The following DENND5A variants were observed in gnomAD, a reference collection of about 807,000 sequenced individuals.
DENND5A encodes DENN domain containing 5A.
A neutral mutation model predicts 140.3 loss-of-function variants in DENND5A; 64 were observed. The observed-to-expected ratio is 0.46, with a 90% confidence interval of 0.37 to 0.56. The LOEUF is 0.56. DENND5A is among the 20% of genes least tolerant of loss of function. The probability of loss-of-function intolerance (pLI) is 0.00; values close to 1 mark genes in which losing one functional copy is unlikely to be tolerated. For missense variants in DENND5A, 1,292 were observed against 1,593.8 expected, an observed-to-expected ratio of 0.81 and a Z score of 3.22; for synonymous variants, 605 against 607.7, an observed-to-expected ratio of 1.00 and a Z score of 0.07.
At chr11:9,255,380 G>C (rs1304093273) in intron 1 of DENND5A, among the ~76,000 whole-genome samples, 1 of 151,802 alleles carries the variant, frequency 6.6e-6, no homozygotes, top group Non-Finnish European at 1.5e-5. Context: ...CATTTTTCAG[G>C]TTGTTTAAGA....
intron 1 of DENND5A, among the ~76,000 whole-genome samples, chr11:9,227,381 G>C (rs186943223): frequency 2.6e-4 from 39 of 152,124 alleles, no homozygotes; most frequent in African/African-American, 9.4e-4. Context: ...TCCATGTTAA[G>C]TGCTATGGAA....
At chr11:9,256,020 C>A in intron 1 of DENND5A, among the ~76,000 whole-genome samples, 2 of 141,964 alleles carry the variant, frequency 1.4e-5, no homozygotes. Flanking sequence ...GGCGAAACTC[C>A]ATCTCAAAAA....
chr11:9,219,958 G>C (rs901704770), intron 1 of DENND5A, among the ~76,000 whole-genome samples: 1 of 152,168 alleles, frequency 6.6e-6, no homozygotes, highest in Non-Finnish European at 1.5e-5. Context: ...AGAAAGAAAG[G>C]AAAGGGGCTC....
chr11:9,193,892 A>T (rs1849227677), intron 4 of DENND5A, among the ~76,000 whole-genome samples: 1 of 152,234 alleles, frequency 6.6e-6, no homozygotes, highest in African/African-American at 2.4e-5. Context: ...AAATAAACCT[A>T]CACACACAGG....
At chr11:9,152,207 TC>T in intron 13 of DENND5A, 150 bp downstream of exon 13, 1 of 673,800 alleles carries the variant, frequency 1.5e-6, no homozygotes, top group Non-Finnish European at 2.7e-6. Flanking sequence ...GCTCTGTGGT[TC>T]AGAGAGTCTG....
In DENND5A at chr11:9,183,471, C is replaced by A. The variant is rs1355264716; in HGVS notation, c.1138-2387G>T. Among the ~76,000 whole-genome samples the A allele has an allele frequency of 6.7e-5, 10 of 148,202 alleles. No individual in the cohort carries two copies. The Admixed American group carries it at 6.8e-4, about 10-fold the overall frequency. ...TTTTTTTTTGAGACAGAGTTTTGCT[C>A]TATTGCCCAGTCTGGAGTGCAGTGG... On this transcript the variant is annotated intron_variant, in intron 5 of 22. Coordinates refer to ENST00000328194, the MANE Select transcript of DENND5A (RefSeq NM_015213.4).
At chr11:9,192,741 T>A (rs958249409) in intron 5 of DENND5A, among the ~76,000 whole-genome samples, 1 of 152,180 alleles carries the variant, frequency 6.6e-6, no homozygotes, top group African/African-American at 2.4e-5. Flanking sequence ...AAAGTCTTCT[T>A]CCCAGGCCTT....
intron 10 of DENND5A, among the ~76,000 whole-genome samples, chr11:9,169,087 A>C (rs1338670298): frequency 1.3e-5 from 2 of 152,212 alleles, no homozygotes; most frequent in African/African-American, 4.8e-5. Flanking sequence ...AAGAAGAAAA[A>C]AAAAGTCAAG....
chr11:9,239,089 T>A (rs868252561), intron 1 of DENND5A, among the ~76,000 whole-genome samples: 56 of 149,226 alleles, frequency 3.8e-4, no homozygotes, highest in African/African-American at 1.3e-3. Flanking sequence ...ACCTCAGCCT[T>A]CCAAAATGCT....
At position 9,203,751 on chromosome 11, in the gene DENND5A, G is replaced by C. The variant is rs200797324; in HGVS notation, c.858C>G (p.Val286=). 22 of 1,614,176 alleles carry C rather than the reference G, an allele frequency of 1.4e-5. No homozygotes were observed. In the African/African-American group the frequency reaches 2.7e-4, roughly 20 times the overall value. ...CCCCGAGCAGTTCAAAAACCTCTTT[G>C]ACAGGAAAGTCAAATAGGGGAAGCT... is the stretch of plus-strand genomic sequence containing the variant. ...TNELPLFDFP[V]KEVFELLGVE... The change falls in exon 4 of 23, where the codon GTC becomes GTG. Residue 286 remains valine, a synonymous_variant. Transcript: ENST00000328194.
At chr11:9,258,311 G>A (rs1426690390) in intron 1 of DENND5A, among the ~76,000 whole-genome samples, 14 of 115,778 alleles carry the variant, frequency 1.2e-4, no homozygotes, top group Non-Finnish European at 2.4e-4. Flanking sequence ...AGTGTGTGAT[G>A]TTCCCCTCCC....
At chr11:9,253,127 A>G (rs976666166) in intron 1 of DENND5A, among the ~76,000 whole-genome samples, 3 of 152,110 alleles carry the variant, frequency 2.0e-5, no homozygotes, top group African/African-American at 4.8e-5. Context: ...TGCTGGGATT[A>G]CAGGCATGAG....
chr11:9,236,075 T>C (rs1418556581), intron 1 of DENND5A, among the ~76,000 whole-genome samples: 1 of 151,822 alleles, frequency 6.6e-6, no homozygotes, highest in Non-Finnish European at 1.5e-5. Flanking sequence ...AATCCATCTC[T>C]ACAAAAAATT....
At position 9,206,800 on chromosome 11, in the gene DENND5A, A is replaced by G. The variant is rs747603184; in HGVS notation, c.182-18T>C. The G allele has an allele frequency of 1.3e-6, 2 of 1,540,666 alleles. No homozygotes were observed. The highest frequency in any genetic ancestry group is 1.8e-6 in the Non-Finnish European group (2 of 1,113,360). On this transcript the variant is annotated intron_variant, in intron 2 of 22. Transcript: ENST00000328194. ...ATTTTCTCCTGTAAGAAAAAGAATG[A>G]AGTAAATCATTTCTACAAAATCCCT...
At chr11:9,155,354 TTA>T (rs1318851382) in intron 12 of DENND5A, among the ~76,000 whole-genome samples, 2 of 152,130 alleles carry the variant, frequency 1.3e-5, no homozygotes, top group African/African-American at 4.8e-5. Context: ...GTGGCACACA[TTA>T]AGTACAGCTG....
At chr11:9,234,981 T>A (rs1564931361) in intron 1 of DENND5A, among the ~76,000 whole-genome samples, 2 of 152,202 alleles carry the variant, frequency 1.3e-5, no homozygotes, top group African/African-American at 4.8e-5. Flanking sequence ...CTAGCGCCGC[T>A]GGGTTAGGGT....
chr11:9,181,049 G>GT lies in DENND5A; in HGVS notation c.1172_1173insA (p.Phe391LeufsTer3). ...GTGGCAAGTCCTCTGGCAACTCAATGAAGTGGTTGTCAATGTCCACAAAGC... is the reference window on the plus strand; with the variant it reads ...GTGGCAAGTCCTCTGGCAACTCAATGTAAGTGGTTGTCAATGTCCACAAAGC... On this transcript the variant is annotated frameshift_variant, in exon 6 of 23. Coordinates refer to ENST00000328194, the MANE Select transcript of DENND5A (RefSeq NM_015213.4). LOFTEE classifies it high-confidence loss of function. 1 of 1,614,148 alleles carries GT rather than the reference G, an allele frequency of 6.2e-7. No homozygotes were observed. Among genetic ancestry groups the GT allele is most frequent in the Non-Finnish European group, 8.5e-7 (1 of 1,180,008 alleles).
At chr11:9,241,135 C>G (rs1368840066) in intron 1 of DENND5A, among the ~76,000 whole-genome samples, 1 of 152,114 alleles carries the variant, frequency 6.6e-6, no homozygotes. Flanking sequence ...AATTTGAAAC[C>G]AGAACTGAAA....
Position 9,204,038 on chromosome 11 carries a change from A to C in DENND5A, c.571T>G (p.Phe191Val). ...EDTPVTKLQRFNSYDISRDTL... is the reference protein window; with the variant it reads ...EDTPVTKLQRVNSYDISRDTL... ...TCCCGGCTAATGTCATAGGAGTTGA[A>C]GCGCTGCAGTTTGGTCACAGGAGTG... The change falls in exon 4 of 23, where the codon TTC becomes GTC. Residue 191 changes from phenylalanine (F) to valine (V), a missense_variant. By Grantham distance (50) the Phe-to-Val change is conservative. This residue lies in a region of DENND5A where 566 missense variants were observed against 650.4 expected (regional missense o/e 0.87). Transcript: ENST00000328194. 6.2e-7 allele frequency: 1 copy of C among 1,614,112 alleles called. No individual in the cohort carries two copies. Among genetic ancestry groups the C allele is most frequent in the Non-Finnish European group, 8.5e-7 (1 of 1,180,018 alleles).
Sources: gnomAD v4.1 joint callset for allele counts (sites outside exome capture counted in the v4.1 genomes callset) on GRCh38, gnomAD v4.1.1 for gene constraint, gnomAD v4.1.1 regional missense constraint, MANE v1.5 for transcripts, NCBI Gene and HGNC (gene_info 2026-07-23, HGNC 2026-07-21) for gene names.